The following BMP6 variants were observed in gnomAD, a reference collection of about 807,000 sequenced individuals.
BMP6 encodes the protein VG-1-R.
BMP6 carries 17 observed loss-of-function variants against 54.1 expected under a neutral mutation model. The ratio of observed to expected loss-of-function variants is 0.31; its 90% CI spans 0.22 to 0.47. The LOEUF (loss-of-function observed/expected upper bound fraction) is 0.47. BMP6 is among the 20% of genes least tolerant of loss of function. BMP6 has a pLI of 1.00. For synonymous variants in BMP6, 328 were observed against 291.2 expected, an observed-to-expected ratio of 1.13 and a Z score of -1.28; for missense variants, 720 against 690.4, an observed-to-expected ratio of 1.04 and a Z score of -0.48.
chr6:7,845,458 T>C (rs1199613555), intron 2 of BMP6, 126 bp downstream of exon 2: 2 of 790,980 alleles, frequency 2.5e-6, no homozygotes, highest in African/African-American at 1.8e-5. Flanking sequence ...GTGAGTACGA[T>C]GAGGTGGGTG....
intron 1 of BMP6, among the ~76,000 whole-genome samples, chr6:7,844,425 G>A (rs1759027054): frequency 6.6e-6 from 1 of 151,476 alleles, no homozygotes; most frequent in South Asian, 2.1e-4. Flanking sequence ...CATCTTTGTG[G>A]CATCTACATG....
At chr6:7,795,785 G>C (rs561549864) in intron 1 of BMP6, among the ~76,000 whole-genome samples, 103 of 152,224 alleles carry the variant, frequency 6.8e-4, no homozygotes, top group African/African-American at 2.4e-3. Context: ...GTGGGACTTA[G>C]TGCTGATTGG....
At chr6:7,857,157 G>C (rs1285817683) in intron 2 of BMP6, among the ~76,000 whole-genome samples, 1 of 152,214 alleles carries the variant, frequency 6.6e-6, no homozygotes, top group African/African-American at 2.4e-5. Context: ...GGGATATGCA[G>C]GGATAAATCT....
intron 1 of BMP6, among the ~76,000 whole-genome samples, chr6:7,778,876 G>A (rs1757899489): frequency 6.6e-6 from 1 of 152,164 alleles, no homozygotes; most frequent in South Asian, 2.1e-4. Flanking sequence ...ATCATTTGAT[G>A]TTTACTCATC....
chr6:7,871,843 C>T (rs1759530753), intron 4 of BMP6, among the ~76,000 whole-genome samples: 1 of 152,180 alleles, frequency 6.6e-6, no homozygotes, highest in Non-Finnish European at 1.5e-5. Context: ...TCTGGTGTCA[C>T]AGGCGCATGT....
intron 1 of BMP6, among the ~76,000 whole-genome samples, chr6:7,813,803 T>C (rs974597787): frequency 1.3e-5 from 2 of 152,158 alleles, no homozygotes; most frequent in Admixed American, 6.5e-5. Flanking sequence ...AGTCACTGTA[T>C]AAGTAGCCAC....
chr6:7,753,633 T>A (rs763177965), intron 1 of BMP6, among the ~76,000 whole-genome samples: 3 of 152,218 alleles, frequency 2.0e-5, no homozygotes, highest in Non-Finnish European at 4.4e-5. Context: ...AAGTCATACT[T>A]CAATGGCAGT....
At chr6:7,768,353 C>A (rs1429048811) in intron 1 of BMP6, among the ~76,000 whole-genome samples, 3 of 152,164 alleles carry the variant, frequency 2.0e-5, no homozygotes, top group Non-Finnish European at 4.4e-5. Flanking sequence ...CCACGCTGAG[C>A]CTCCAGCAAT....
At chr6:7,795,607 GTT>G (rs1418723621) in intron 1 of BMP6, among the ~76,000 whole-genome samples, 4 of 152,164 alleles carry the variant, frequency 2.6e-5, no homozygotes, top group Non-Finnish European at 5.9e-5. Context: ...CCAGACTTGT[GTT>G]TTTAGGTACA....
In BMP6 at chr6:7,862,373, T is replaced by C. The variant is rs758379322; in HGVS notation, c.1079T>C (p.Val360Ala). 6.2e-7 allele frequency: 1 copy of C among 1,614,150 alleles called. No individual in the cohort carries two copies. Among genetic ancestry groups the C allele is most frequent in the South Asian group, 1.1e-5 (1 of 91,086 alleles). Reference sequence around the variant, plus strand: ...CCTTACGACAAGCAGCCCTTCATGGTGGCTTTCTTCAAAGTGAGTGAGGTG... The same window carrying C: ...CCTTACGACAAGCAGCCCTTCATGGCGGCTTTCTTCAAAGTGAGTGAGGTG... ...DGPYDKQPFM[V>A]AFFKVSEVHV... is the part of the protein sequence containing the mutation. The change falls in exon 4 of 7, where the codon GTG (valine) becomes GCG (alanine). Residue 360 changes from valine (V) to alanine (A), a missense_variant. Physicochemically the swap from Val to Ala is moderately conservative, Grantham distance 64 (BLOSUM62 0). Around this residue, in one of 3 missense-constraint regions of BMP6, gnomAD observed 650 missense variants for 556.3 expected, o/e 1.17. Transcript: ENST00000283147.
intron 1 of BMP6, among the ~76,000 whole-genome samples, chr6:7,769,457 G>T (rs190246104): frequency 2.0e-5 from 3 of 152,314 alleles, no homozygotes; most frequent in Admixed American, 6.5e-5. Context: ...CCTGGCTTTT[G>T]CATCAGATGC....
chr6:7,842,666 G>A (rs1439425061), intron 1 of BMP6, among the ~76,000 whole-genome samples: 5 of 152,332 alleles, frequency 3.3e-5, no homozygotes, highest in African/African-American at 1.2e-4. Context: ...AGAGCCACCC[G>A]AAGGGAGCAG....
At chr6:7,763,661 G>T (rs990572414) in intron 1 of BMP6, among the ~76,000 whole-genome samples, 1 of 152,114 alleles carries the variant, frequency 6.6e-6, no homozygotes, top group South Asian at 2.1e-4. Flanking sequence ...GACTCCACTG[G>T]ACTATTTACT....
chr6:7,790,884 A>G (rs920842606), intron 1 of BMP6, among the ~76,000 whole-genome samples: 6 of 152,162 alleles, frequency 3.9e-5, no homozygotes, highest in Non-Finnish European at 5.9e-5. Flanking sequence ...CAGCTCTTCT[A>G]GCCTCACAAA....
At chr6:7,839,741 G>A (rs147844606) in intron 1 of BMP6, among the ~76,000 whole-genome samples, 8 of 152,268 alleles carry the variant, frequency 5.3e-5, no homozygotes, top group African/African-American at 1.9e-4. Flanking sequence ...CCAGCTTTTG[G>A]CTATTGTGAA....
intron 1 of BMP6, among the ~76,000 whole-genome samples, chr6:7,818,141 C>G (rs1581261270): frequency 6.6e-6 from 1 of 152,122 alleles, no homozygotes; most frequent in East Asian, 1.9e-4. Flanking sequence ...TGCAGCAGAT[C>G]AAAAATAAGC....
intron 1 of BMP6, among the ~76,000 whole-genome samples, chr6:7,780,549 CAA>C (rs545210985): frequency 2.3e-5 from 3 of 128,290 alleles, no homozygotes; most frequent in African/African-American, 2.9e-5. Flanking sequence ...AATTCCATCG[CAA>C]AAAAAAAAAG....
intron 1 of BMP6, among the ~76,000 whole-genome samples, chr6:7,752,659 G>T (rs1299213672): frequency 6.7e-6 from 1 of 149,728 alleles, no homozygotes; most frequent in African/African-American, 2.5e-5. Flanking sequence ...GGTGCTTTTA[G>T]TGTTCCATCA....
chr6:7,759,248 C>T (rs1230983694), intron 1 of BMP6, among the ~76,000 whole-genome samples: 1 of 152,150 alleles, frequency 6.6e-6, no homozygotes, highest in East Asian at 1.9e-4. Context: ...TTACCAGGAA[C>T]GTGGTGTCCC....
Sources: gnomAD v4.1 joint callset for allele counts (sites outside exome capture counted in the v4.1 genomes callset) on GRCh38, gnomAD v4.1.1 for gene constraint, gnomAD v4.1.1 regional missense constraint, MANE v1.5 for transcripts, NCBI Gene and HGNC (gene_info 2026-07-23, HGNC 2026-07-21) for gene names.